FAM168A: variants seen among roughly 807,000 people sequenced by gnomAD.
FAM168A encodes family with sequence similarity 168 member A.
In FAM168A, 3 loss-of-function variants were observed where a neutral mutation model predicts 28.5. The ratio of observed to expected loss-of-function variants is 0.11; its 90% CI spans 0.05 to 0.27. FAM168A has a LOEUF of 0.27. FAM168A is among the 10% of genes least tolerant of loss of function. FAM168A has a pLI of 1.00. For synonymous variants in FAM168A, 122 were observed against 124.2 expected (o/e 0.98, Z 0.12); for missense variants, 222 against 311.5 (o/e 0.71, Z 2.16).
chr11:73,568,157 C>T (rs532794080), intron 1 of FAM168A, among the ~76,000 whole-genome samples: 1 of 152,226 alleles, frequency 6.6e-6, no homozygotes, highest in East Asian at 1.9e-4. Flanking sequence ...AACTAACAGA[C>T]ATAAAATGAG....
At chr11:73,464,753 A>T (rs1326154653) in intron 2 of FAM168A, among the ~76,000 whole-genome samples, 1 of 152,102 alleles carries the variant, frequency 6.6e-6, no homozygotes, top group Non-Finnish European at 1.5e-5. Flanking sequence ...CCCGTTTTAG[A>T]ATTATTTTCT....
In FAM168A at chr11:73,457,723, C is replaced by CAAAAAAAAAAAAAAAAAAAAAAAAAAAAA; in HGVS notation, c.70+10681_70+10682insTTTTTTTTTTTTTTTTTTTTTTTTTTTTT. On this transcript the variant is annotated intron_variant, in intron 2 of 7. Transcript: ENST00000356467. ...TGCTACGGTACTCTAGCCTGGGTGA[C>CAAAAAAAAAAAAAAAAAAAAAAAAAAAAA]AAAAAAAAAAAAAAAAAAAAAAAAA... 5.0e-3 allele frequency among the ~76,000 whole-genome samples: 186 copies of CAAAAAAAAAAAAAAAAAAAAAAAAAAAAA among 37,512 alleles called. 1 individual carries two copies. Among genetic ancestry groups the CAAAAAAAAAAAAAAAAAAAAAAAAAAAAA allele is most frequent in the Non-Finnish European group, 0.01 (131 of 12,854 alleles). The allele number at this position is 37,512 out of a possible 152,430, so 24.6% of individuals were successfully genotyped here. A position where few individuals can be genotyped will look rare whatever the true frequency, so the allele number is the denominator to read the frequency against.
chr11:73,450,682 A>C (rs1187443625), intron 2 of FAM168A, among the ~76,000 whole-genome samples: 2 of 134,046 alleles, frequency 1.5e-5, no homozygotes, highest in African/African-American at 2.8e-5. Flanking sequence ...CCTCCCCCCA[A>C]ATCTAAACAG....
intron 2 of FAM168A, among the ~76,000 whole-genome samples, chr11:73,431,771 G>T (rs1866999487): frequency 6.6e-6 from 1 of 152,026 alleles, no homozygotes; most frequent in Non-Finnish European, 1.5e-5. Flanking sequence ...TTTTATCATG[G>T]TAAAATACGT....
intron 1 of FAM168A, among the ~76,000 whole-genome samples, chr11:73,522,687 G>GTCCCAAAT (rs1017676470): frequency 2.0e-5 from 3 of 151,052 alleles, no homozygotes; most frequent in African/African-American, 7.3e-5. Flanking sequence ...ACTTTGCAGT[G>GTCCCAAAT]TCCCAAATGC....
At chr11:73,595,547 G>A (rs1276345150) in intron 1 of FAM168A, among the ~76,000 whole-genome samples, 1 of 151,828 alleles carries the variant, frequency 6.6e-6, no homozygotes, top group African/African-American at 2.4e-5. Flanking sequence ...GCCACTTTAT[G>A]TTTAACATAT....
At chr11:73,450,319 G>C (rs1162485483) in intron 2 of FAM168A, among the ~76,000 whole-genome samples, 1 of 152,186 alleles carries the variant, frequency 6.6e-6, no homozygotes, top group Non-Finnish European at 1.5e-5. Context: ...GAAGACTATG[G>C]AACATTTACT....
intron 1 of FAM168A, among the ~76,000 whole-genome samples, chr11:73,532,456 C>T (rs751166498): frequency 3.9e-5 from 6 of 152,156 alleles, no homozygotes; most frequent in Admixed American, 3.9e-4. Flanking sequence ...ACAAATCCTT[C>T]CTGGGGTCTA....
chr11:73,409,083 G>C (rs1427287206), intron 6 of FAM168A, among the ~76,000 whole-genome samples: 1 of 152,060 alleles, frequency 6.6e-6, no homozygotes, highest in African/African-American at 2.4e-5. Flanking sequence ...GACCCCCATT[G>C]TGTGCAACAG....
chr11:73,501,178 A>C (rs1223343940), intron 1 of FAM168A, among the ~76,000 whole-genome samples: 1 of 152,228 alleles, frequency 6.6e-6, no homozygotes, highest in Non-Finnish European at 1.5e-5. Flanking sequence ...ATACAGGAGC[A>C]CCCAAATTCA....
At chr11:73,591,850 A>G (rs1029026038) in intron 1 of FAM168A, among the ~76,000 whole-genome samples, 2 of 151,720 alleles carry the variant, frequency 1.3e-5, no homozygotes, top group Admixed American at 6.6e-5. Flanking sequence ...TAAAATGAAA[A>G]TAATGCCACA....
rs1038466427 is a variant in FAM168A at position 73,518,400 on chromosome 11, AAATT to A, written c.-18-49912_-18-49909del. On this transcript the variant is annotated intron_variant, in intron 1 of 7. Transcript: ENST00000356467. ...AATATTAAAAAACATTAAAAATTAA[AAATT>A]AATTAAAAATTAAAATATTTTCATA... Among the ~76,000 whole-genome samples, 24 of 147,986 alleles carry A rather than the reference AAATT, an allele frequency of 1.6e-4. 1 individual carries two copies. Among genetic ancestry groups the A allele is most frequent in the African/African-American group, 5.5e-4 (21 of 37,874 alleles).
intron 1 of FAM168A, among the ~76,000 whole-genome samples, chr11:73,576,676 A>T (rs899994441): frequency 3.3e-5 from 5 of 152,138 alleles, no homozygotes; most frequent in Admixed American, 2.6e-4. Context: ...ACAACTTTAC[A>T]AGCAGAACTC....
intron 2 of FAM168A, among the ~76,000 whole-genome samples, chr11:73,440,572 G>A (rs1590777530): frequency 6.6e-6 from 1 of 152,172 alleles, no homozygotes; most frequent in East Asian, 1.9e-4. Context: ...GGAGGCTGCA[G>A]TGAGCCGTGA....
chr11:73,460,191 T>C (rs1032098009), intron 2 of FAM168A, among the ~76,000 whole-genome samples: 14 of 152,104 alleles, frequency 9.2e-5, no homozygotes, highest in Non-Finnish European at 2.1e-4. Context: ...CCAAATGAAA[T>C]TTTTATTCAC....
At chr11:73,559,162 C>G (rs111685548) in intron 1 of FAM168A, among the ~76,000 whole-genome samples, 121 of 152,310 alleles carry the variant, frequency 7.9e-4, no homozygotes, top group African/African-American at 2.5e-3. Context: ...AATCCTATCA[C>G]TTTGGGACGC....
At chr11:73,525,250 A>C (rs995290257) in intron 1 of FAM168A, among the ~76,000 whole-genome samples, 3 of 152,214 alleles carry the variant, frequency 2.0e-5, no homozygotes, top group African/African-American at 7.2e-5. Context: ...TACGAACAGT[A>C]GAGCATTTTA....
rs1424891453 is a variant in FAM168A, at chr11:73,402,736, C to T, written c.*4027G>A. Reference sequence around the variant, plus strand: ...TGCCTCGTGCTGTCCTTGAACATGTCTTCGGTCCTGGGCATTGTGACCCCA... The same window carrying T: ...TGCCTCGTGCTGTCCTTGAACATGTTTTCGGTCCTGGGCATTGTGACCCCA... On this transcript the variant is annotated 3_prime_UTR_variant, in exon 8 of 8. Coordinates refer to ENST00000356467, the MANE Select transcript of FAM168A (RefSeq NM_015159.3). 1 of 152,220 alleles carries T rather than the reference C, an allele frequency of 6.6e-6. No individual in the cohort carries two copies. Among genetic ancestry groups the T allele is most frequent in the Non-Finnish European group, 1.5e-5 (1 of 68,056 alleles). The allele number at this position is 152,220 out of a possible 1,614,324, so 9.4% of individuals were successfully genotyped here. A position where few individuals can be genotyped will look rare whatever the true frequency, so the allele number is the denominator to read the frequency against.
chr11:73,424,977 A>G (rs1866863505), intron 3 of FAM168A: 3 of 1,457,888 alleles, frequency 2.1e-6, no homozygotes, highest in Non-Finnish European at 2.7e-6. Flanking sequence ...ACGAGAGAAC[A>G]CATTCATAGG....
Sources: allele counts gnomAD v4.1 joint callset (sites outside exome capture counted in the v4.1 genomes callset), GRCh38; gene constraint gnomAD v4.1.1; transcripts MANE v1.5; gene names NCBI Gene and HGNC (gene_info 2026-07-23, HGNC 2026-07-21).